GDF6: variants seen among roughly 807,000 people sequenced by gnomAD.
GDF6 encodes the protein growth/differentiation factor 6.
A neutral mutation model predicts 32.4 loss-of-function variants in GDF6; 3 were observed. The ratio of observed to expected loss-of-function variants is 0.09; its 90% CI spans 0.04 to 0.24. GDF6 has a LOEUF of 0.24. Ranked by LOEUF, GDF6 falls within the 10% of genes least tolerant of loss-of-function variation. The pLI is 1.00. For missense variants in GDF6, 589 were observed against 637.9 expected, an observed-to-expected ratio of 0.92 and a Z score of 0.83; for synonymous variants, 296 against 295.3, an observed-to-expected ratio of 1.00 and a Z score of -0.03.
chr8:96,145,383 G>C lies in GDF6; in HGVS notation c.548C>G (p.Pro183Arg). The C allele has an allele frequency of 8.3e-6, 13 of 1,571,762 alleles. No homozygotes were observed. The highest frequency in any genetic ancestry group is 1.1e-5 in the Non-Finnish European group (13 of 1,166,354). The change falls in exon 2 of 2, where the codon CCG (proline) becomes CGG (arginine). Residue 183 changes from proline (P) to arginine (R), a missense_variant. By Grantham distance (103) the Pro-to-Arg change is moderately radical. Transcript: ENST00000287020. This position sits in a 1 kb window ranked among gnomAD's most constrained non-coding sequence, Gnocchi z 5.6. Reference protein sequence around the residue: ...PSAPWGPPAGPLHVQLFPCLS... With the variant: ...PSAPWGPPAGRLHVQLFPCLS... Reference sequence around the variant, plus strand: ...GCAAGGGAAGAGCTGCACGTGGAGCGGCCCGGCTGGTGGCCCCCAGGGCGC... The same window carrying C: ...GCAAGGGAAGAGCTGCACGTGGAGCCGCCCGGCTGGTGGCCCCCAGGGCGC...
chr8:96,142,434 C>T lies in GDF6; in HGVS notation c.*2129G>A, dbSNP rs914378606. 3.3e-5 allele frequency: 5 copies of T among 152,088 alleles called. No individual in the cohort carries two copies. The highest frequency in any genetic ancestry group is 6.6e-5 in the Admixed American group (1 of 15,264). The allele number at this position is 152,088 out of a possible 1,614,324, so 9.4% of individuals were successfully genotyped here. A position where few individuals can be genotyped will look rare whatever the true frequency, so the allele number is the denominator to read the frequency against. ...TTGATTATTCATTGACCTCTGGTAA[C>T]TTTAGCGTTGTAAATACTTGTATTA... is the stretch of plus-strand genomic sequence containing the variant. On this transcript the variant is annotated 3_prime_UTR_variant, in exon 2 of 2. Transcript: ENST00000287020.
intron 1 of GDF6, among the ~76,000 whole-genome samples, chr8:96,153,106 C>G (rs1812596998): frequency 6.6e-6 from 1 of 152,242 alleles, no homozygotes; most frequent in African/African-American, 2.4e-5. Context: ...GTGCCTGTTT[C>G]TGACAAGCAG....
Position 96,145,781 on chromosome 8 carries a change from A to AGGCGGC in GDF6, c.407-263_407-258dup, listed in dbSNP as rs746696029. Among the ~76,000 whole-genome samples, 385 of 152,074 alleles carry AGGCGGC rather than the reference A, an allele frequency of 2.5e-3. 1 individual carries two copies. Among genetic ancestry groups the AGGCGGC allele is most frequent in the Non-Finnish European group, 4.8e-3 (324 of 67,942 alleles). On this transcript the variant is annotated intron_variant, in intron 1 of 1. Coordinates refer to ENST00000287020, the MANE Select transcript of GDF6 (RefSeq NM_001001557.4). The surrounding 1 kb of genome is among the most constrained non-coding windows in gnomAD (Gnocchi z 5.6). ...GGGCGGAAGTCGGTGGCTGCTGGCGAGGCGGCGGCGGCGGCCTACCGGGTT... is the reference window on the plus strand; with the variant it reads ...GGGCGGAAGTCGGTGGCTGCTGGCGAGGCGGCGGCGGCGGCGGCGGCCTACCGGGTT...
At chr8:96,150,303 C>G (rs1213745234) in intron 1 of GDF6, among the ~76,000 whole-genome samples, 1 of 152,238 alleles carries the variant, frequency 6.6e-6, no homozygotes, top group Non-Finnish European at 1.5e-5. Flanking sequence ...CCATGTTCTC[C>G]GGTGGCACAG....
rs71275339 is a variant in GDF6, at chr8:96,144,244, TAGAGAG to T, written c.*313_*318del. 0.073 allele frequency: 16,973 copies of T among 233,844 alleles called. 168 individuals carry two copies. The highest frequency in any genetic ancestry group is 0.083 in the Non-Finnish European group (10,736 of 129,620). The allele number at this position is 233,844 out of a possible 1,614,324, so 14.5% of individuals were successfully genotyped here. A position where few individuals can be genotyped will look rare whatever the true frequency, so the allele number is the denominator to read the frequency against. ...ATAAGGAAATCCAAAGCCACAGTAA[TAGAGAG>T]AGAGAGAGAGAGAGAGAGAGAGAGA... On this transcript the variant is annotated 3_prime_UTR_variant, in exon 2 of 2. Coordinates refer to ENST00000287020, the MANE Select transcript of GDF6 (RefSeq NM_001001557.4). This position sits in a 1 kb window ranked among gnomAD's most constrained non-coding sequence, Gnocchi z 5.1.
At chr8:96,148,440 C>T (rs756483804) in intron 1 of GDF6, among the ~76,000 whole-genome samples, 26 of 152,242 alleles carry the variant, frequency 1.7e-4, no homozygotes, top group Non-Finnish European at 3.5e-4. Flanking sequence ...TAGTGACTCT[C>T]AAAGCCACTA....
intron 1 of GDF6, among the ~76,000 whole-genome samples, chr8:96,158,781 T>C (rs1338352226): frequency 6.6e-6 from 1 of 152,122 alleles, no homozygotes; most frequent in Non-Finnish European, 1.5e-5. Flanking sequence ...AGGGACTCAG[T>C]TGCACTACTA....
rs1419552174 is a variant in GDF6, at chr8:96,142,903, T to C, written c.*1660A>G. ...TAGATTGGAAGAGAGCAAAATCACT[T>C]AGGAAAAACTAAAACTTTTTAAAAG... On this transcript the variant is annotated 3_prime_UTR_variant, in exon 2 of 2. Coordinates refer to ENST00000287020, the MANE Select transcript of GDF6 (RefSeq NM_001001557.4). 1.3e-5 allele frequency: 2 copies of C among 152,196 alleles called. No homozygotes were observed. Among genetic ancestry groups the C allele is most frequent in the East Asian group, 1.9e-4 (1 of 5,200 alleles). 9.4% of individuals were successfully genotyped at this position (152,196 alleles called of 1,614,324 possible).
chr8:96,157,218 T>TC (rs1345951899), intron 1 of GDF6, among the ~76,000 whole-genome samples: 1 of 152,080 alleles, frequency 6.6e-6, no homozygotes, highest in African/African-American at 2.4e-5. Flanking sequence ...TTGTTTGGTT[T>TC]CTTTTTTTTT....
intron 1 of GDF6, among the ~76,000 whole-genome samples, chr8:96,146,705 C>CAGAGAGAGAGAG (rs555323322): frequency 8.0e-5 from 11 of 138,364 alleles, no homozygotes; most frequent in African/African-American, 3.2e-4. Flanking sequence ...CACACACACA[C>CAGAGAGAGAGAG]ACAGAGAGAG....
intron 1 of GDF6, among the ~76,000 whole-genome samples, chr8:96,155,879 C>A (rs1812652642): frequency 1.3e-5 from 2 of 152,200 alleles, no homozygotes. Context: ...GTTGATTACA[C>A]CACTCTGCGG....
intron 1 of GDF6, among the ~76,000 whole-genome samples, chr8:96,150,961 A>G (rs1439293778): frequency 6.6e-6 from 1 of 152,230 alleles, no homozygotes; most frequent in East Asian, 1.9e-4. Context: ...GGCAAAGTCC[A>G]TCAGGTTGGA....
intron 1 of GDF6, among the ~76,000 whole-genome samples, chr8:96,153,066 G>A (rs991209645): frequency 5.3e-5 from 8 of 152,192 alleles, no homozygotes; most frequent in Non-Finnish European, 1.0e-4. Flanking sequence ...CCTCAGCACC[G>A]CCTTTAGTGG....
chr8:96,152,977 G>A (rs1178908913), intron 1 of GDF6, among the ~76,000 whole-genome samples: 4 of 152,200 alleles, frequency 2.6e-5, no homozygotes, highest in African/African-American at 9.7e-5. Context: ...GCAAATGAAT[G>A]AGAGTGGAGA....
Position 96,160,474 on chromosome 8 carries a change from G to C in GDF6, c.219C>G (p.Asp73Glu). 1 of 1,612,836 alleles carries C rather than the reference G, an allele frequency of 6.2e-7. No homozygotes were observed. Among genetic ancestry groups the C allele is most frequent in the Non-Finnish European group, 8.5e-7 (1 of 1,179,350 alleles). ...EGQEPQPRPQ[D>E]EPRAQQPRAQ... ...CCCGGGGCTGCTGAGCCCGGGGTTC[G>C]TCCTGAGGCCGCGGCTGTGGTTCCT... Residue 73 changes from aspartate to glutamate, a missense_variant, in exon 1 of 2, where the codon GAC becomes GAG. Coordinates refer to ENST00000287020, the MANE Select transcript of GDF6 (RefSeq NM_001001557.4).
rs547753802 is a variant in GDF6 at position 96,144,496 on chromosome 8, A to G, written c.*67T>C. The G allele has an allele frequency of 1.1e-5, 17 of 1,577,232 alleles. No homozygotes were observed. The highest frequency in any genetic ancestry group is 1.4e-5 in the Non-Finnish European group (16 of 1,161,888). The stretch of plus-strand genomic sequence containing the variant: ...CTTCCTCCTCCGCCTCTCTGCAGCC[A>G]GGCCTCCCCTGCAAGGCGGACCTTG... On this transcript the variant is annotated 3_prime_UTR_variant, in exon 2 of 2. Transcript: ENST00000287020. This position sits in a 1 kb window ranked among gnomAD's most constrained non-coding sequence, Gnocchi z 5.1.
At chr8:96,156,090 G>A (rs1812655856) in intron 1 of GDF6, among the ~76,000 whole-genome samples, 2 of 152,326 alleles carry the variant, frequency 1.3e-5, no homozygotes, top group South Asian at 4.1e-4. Context: ...ACTGTCCTGA[G>A]AGTTATTTCT....
At position 96,145,603 on chromosome 8, in the gene GDF6, A is replaced by T; in HGVS notation, c.407-79T>A. On this transcript the variant is annotated intron_variant, in intron 1 of 1. Transcript: ENST00000287020. The surrounding 1 kb of genome is among the most constrained non-coding windows in gnomAD (Gnocchi z 5.6). Reference sequence around the variant, plus strand: ...GGTGCTCTTCGGCCGCCCCGGGAGGAAAAGGGCGGGGAGTGGGGGCAGGTC... The same window carrying T: ...GGTGCTCTTCGGCCGCCCCGGGAGGTAAAGGGCGGGGAGTGGGGGCAGGTC... 7 of 1,571,040 alleles carry T rather than the reference A, an allele frequency of 4.5e-6. 1 individual carries two copies. In the Middle Eastern group the frequency reaches 1.1e-3, roughly 246 times the overall value.
At position 96,143,143 on chromosome 8, in the gene GDF6, C is replaced by T. The variant is rs892216106; in HGVS notation, c.*1420G>A. The T allele has an allele frequency of 6.6e-6, 1 of 152,290 alleles. No individual in the cohort carries two copies. Among genetic ancestry groups the T allele is most frequent in the African/African-American group, 2.4e-5 (1 of 41,458 alleles). The allele number at this position is 152,290 out of a possible 1,614,324, so 9.4% of individuals were successfully genotyped here. On this transcript the variant is annotated 3_prime_UTR_variant, in exon 2 of 2. Coordinates refer to ENST00000287020, the MANE Select transcript of GDF6 (RefSeq NM_001001557.4). ...AGACGAATTCCACCCCTGTCTCCTT[C>T]CTCACTGCCTGTTCCCCATCTCCCA...
Sources: gnomAD v4.1 joint callset for allele counts (sites outside exome capture counted in the v4.1 genomes callset) on GRCh38, gnomAD v4.1.1 for gene constraint, Gnocchi (gnomAD v3.1) non-coding constraint, MANE v1.5 for transcripts, NCBI Gene and HGNC (gene_info 2026-07-23, HGNC 2026-07-21) for gene names.